Variants in MARVELD3 observed in about 807,000 individuals in gnomAD.
MARVELD3 encodes the protein MARVEL domain-containing protein 3.
In MARVELD3, 28 loss-of-function variants were observed where a neutral mutation model predicts 33.5. The ratio of observed to expected loss-of-function variants is 0.84; its 90% CI spans 0.62 to 1.15. MARVELD3 has a LOEUF of 1.15. Ranked by LOEUF, MARVELD3 falls within the 50% of genes most tolerant of loss-of-function variation. MARVELD3 has a pLI of 0.00. For missense variants in MARVELD3, 582 were observed against 547.6 expected, an observed-to-expected ratio of 1.06 and a Z score of -0.63; for synonymous variants, 241 against 230.4, an observed-to-expected ratio of 1.05 and a Z score of -0.42.
downstream of MARVELD3, chr16:71,638,544 G>A (rs1365755675): frequency 1.3e-5 from 2 of 152,250 alleles, no homozygotes; most frequent in African/African-American, 2.4e-5. Context: ...CAATGAAAGC[G>A]GTTGGCAACA....
Position 71,626,770 on chromosome 16 carries a change from C to A in MARVELD3, c.467+74C>A. On this transcript the variant is annotated intron_variant, in intron 1 of 2. Transcript: ENST00000268485. This position sits in a 1 kb window ranked among gnomAD's most constrained non-coding sequence, Gnocchi z 5.3. ...CCCAGGCCGGCCCGCGAGGCCCTGG[C>A]GTCCCCGGGTTCTCGTCCTAGGAGC... The A allele has an allele frequency of 2.4e-6, 3 of 1,249,818 alleles. No homozygotes were observed. The highest frequency in any genetic ancestry group is 3.1e-6 in the Non-Finnish European group (3 of 959,180). The allele number at this position is 1,249,818 out of a possible 1,614,324, so 77.4% of individuals were successfully genotyped here.
chr16:71,631,512 C>T (rs549199082), intron 2 of MARVELD3, among the ~76,000 whole-genome samples: 252 of 151,738 alleles, frequency 1.7e-3, no homozygotes, highest in Non-Finnish European at 2.4e-3. Context: ...GGCATGATCT[C>T]GGCTCACTGC....
downstream of MARVELD3, chr16:71,641,115 C>T (rs940123391): frequency 8.1e-5 from 118 of 1,455,160 alleles, no homozygotes; most frequent in Non-Finnish European, 1.1e-4. Context: ...CTATGGTTTT[C>T]ACACACTTGA....
At chr16:71,641,252 A>G, downstream of MARVELD3, 3 of 537,498 alleles carry the variant, frequency 5.6e-6, no homozygotes, top group Non-Finnish European at 9.8e-6. Context: ...CAGCAGATTG[A>G]GTCCAGCCTG....
chr16:71,634,090 G>A lies in MARVELD3; in HGVS notation c.596-103G>A, dbSNP rs1463770697. ...CCTCGGGTCTTCCACAGGGCCAGAA[G>A]CCTTCAGGGGTCTGAGCCCTGCGCG... On this transcript the variant is annotated intron_variant, in intron 2 of 2. Transcript: ENST00000268485. 7 of 1,507,764 alleles carry A rather than the reference G, an allele frequency of 4.6e-6. No individual in the cohort carries two copies. In the Admixed American group the frequency reaches 6.7e-5, roughly 15 times the overall value. 93.4% of individuals were successfully genotyped at this position (1,507,764 alleles called of 1,614,324 possible).
At position 71,626,351 on chromosome 16, in the gene MARVELD3, C is replaced by T. The variant is rs1442341220; in HGVS notation, c.122C>T (p.Pro41Leu). The T allele has an allele frequency of 6.5e-7, 1 of 1,548,084 alleles. No homozygotes were observed. The highest frequency in any genetic ancestry group is 2.4e-5 in the East Asian group (1 of 40,866). ...CGACCGCGGGACCGACCCGGGGACCCGCGCAGGAAGCGAAGCAGCGACGGG... is the reference window on the plus strand; with the variant it reads ...CGACCGCGGGACCGACCCGGGGACCTGCGCAGGAAGCGAAGCAGCGACGGG... The part of the protein sequence containing the change: ...HDRPRDRPGD[P>L]RRKRSSDGNR... Residue 41 changes from proline (P) to leucine (L), a missense_variant, in exon 1 of 3, where the codon CCG becomes CTG. Physicochemically the swap from Pro to Leu is moderately conservative, Grantham distance 98 (BLOSUM62 -3). Coordinates refer to ENST00000268485, the MANE Select transcript of MARVELD3 (RefSeq NM_052858.6). This position sits in a 1 kb window ranked among gnomAD's most constrained non-coding sequence, Gnocchi z 5.3.
chr16:71,631,981 G>A (rs1312655431), intron 2 of MARVELD3, among the ~76,000 whole-genome samples: 2 of 152,102 alleles, frequency 1.3e-5, no homozygotes, highest in Non-Finnish European at 1.5e-5. Context: ...ACAGGCCGAC[G>A]TTGGCAGCAT....
chr16:71,632,903 C>T (rs1037226554), intron 2 of MARVELD3, among the ~76,000 whole-genome samples: 3 of 151,892 alleles, frequency 2.0e-5, no homozygotes, highest in East Asian at 1.9e-4. Context: ...TGAGCCACCG[C>T]GCCTGGCCAA....
At chr16:71,638,625 GT>G (rs1186232734), downstream of MARVELD3, 16 of 152,194 alleles carry the variant, frequency 1.1e-4, no homozygotes, top group African/African-American at 3.6e-4. Flanking sequence ...GAAACTTTTC[GT>G]TTTGAAATAT....
At chr16:71,639,188 C>T (rs186737422), downstream of MARVELD3, 134 of 148,272 alleles carry the variant, frequency 9.0e-4, no homozygotes, top group African/African-American at 3.0e-3. Flanking sequence ...TCTCATGCCT[C>T]AGCCTTCCAA....
chr16:71,640,765 T>C, downstream of MARVELD3: 1 of 1,614,224 alleles, frequency 6.2e-7, no homozygotes, highest in Non-Finnish European at 8.5e-7. Context: ...TACCTCCACG[T>C]GGCTCTGCAG....
Position 71,634,228 on chromosome 16 carries a change from C to G in MARVELD3, c.631C>G (p.Leu211Val). 1 of 1,609,198 alleles carries G rather than the reference C, an allele frequency of 6.2e-7. No homozygotes were observed. Among genetic ancestry groups the G allele is most frequent in the East Asian group, 2.2e-5 (1 of 44,740 alleles). The change falls in exon 3 of 3, where the codon CTG becomes GTG. Residue 211 changes from leucine to valine, a missense_variant. Transcript: ENST00000268485. ...AATGCTGGAGGTTCTCCTGAACTTG[C>G]TGATCCTGGCCTGCAGCTCTGTGTC... is the stretch of plus-strand genomic sequence containing the variant. ...CQMLEVLLNL[L>V]ILACSSVSYS...
At chr16:71,629,198 G>A in intron 1 of MARVELD3, 169 bp from the exon 2 acceptor site, 1 of 674,456 alleles carries the variant, frequency 1.5e-6, no homozygotes, top group Non-Finnish European at 2.3e-6. Context: ...GTATTTGGAT[G>A]TCCCGTGGGG....
chr16:71,640,447 C>A (rs1306417359), downstream of MARVELD3: 1 of 1,614,062 alleles, frequency 6.2e-7, no homozygotes, highest in Non-Finnish European at 8.5e-7. Flanking sequence ...TGCATCGTGG[C>A]CTCCTACTTT....
At position 71,635,085 on chromosome 16, in the gene MARVELD3, T is replaced by A. The variant is rs759885390; in HGVS notation, c.*282T>A. The stretch of plus-strand genomic sequence containing the variant: ...GCTCACACCTGTAACCCCAGCACTT[T>A]GGGAGGCTGAGGTGGGTGGATCACT... On this transcript the variant is annotated 3_prime_UTR_variant, in exon 3 of 3. Transcript: ENST00000268485. 19 of 1,064,966 alleles carry A rather than the reference T, an allele frequency of 1.8e-5. No homozygotes were observed. The highest frequency in any genetic ancestry group is 2.1e-5 in the Non-Finnish European group (18 of 875,774). The allele number at this position is 1,064,966 out of a possible 1,614,324, so 66.0% of individuals were successfully genotyped here.
chr16:71,632,582 C>T (rs1233838168), intron 2 of MARVELD3, among the ~76,000 whole-genome samples: 1 of 151,042 alleles, frequency 6.6e-6, no homozygotes, highest in African/African-American at 2.4e-5. Context: ...TTAATTTTTC[C>T]TATTTCTTTT....
chr16:71,641,022 C>CT (rs1437561941), downstream of MARVELD3: 3 of 1,596,360 alleles, frequency 1.9e-6, no homozygotes, highest in Middle Eastern at 1.7e-4. Context: ...GTCTGGAACT[C>CT]TTTGAGATCT....
At position 71,634,280 on chromosome 16, in the gene MARVELD3, G is replaced by A. The variant is rs867298559; in HGVS notation, c.683G>A (p.Gly228Asp). 6.2e-7 allele frequency: 1 copy of A among 1,614,078 alleles called. No homozygotes were observed. The highest frequency in any genetic ancestry group is 8.5e-7 in the Non-Finnish European group (1 of 1,180,048). ...VSYSSTGGYTGITSLGGIYYY... is the reference protein window; with the variant it reads ...VSYSSTGGYTDITSLGGIYYY... ...TACAGTTCCACAGGGGGCTACACGG[G>A]CATCACCAGCTTGGGGGGCATTTAC... Residue 228 changes from glycine to aspartate, a missense_variant, in exon 3 of 3, where the codon GGC becomes GAC. Physicochemically the swap from Gly to Asp is moderately conservative, Grantham distance 94. Coordinates refer to ENST00000268485, the MANE Select transcript of MARVELD3 (RefSeq NM_052858.6).
chr16:71,627,982 G>C (rs531730745), intron 1 of MARVELD3, among the ~76,000 whole-genome samples: 1 of 152,192 alleles, frequency 6.6e-6, no homozygotes, highest in Non-Finnish European at 1.5e-5. Flanking sequence ...TCTCCTCTAG[G>C]GAGGAGTCAG....
Sources: allele counts gnomAD v4.1 joint callset (sites outside exome capture counted in the v4.1 genomes callset), GRCh38; gene constraint gnomAD v4.1.1; non-coding constraint Gnocchi (gnomAD v3.1); transcripts MANE v1.5; gene names NCBI Gene and HGNC (gene_info 2026-07-23, HGNC 2026-07-21).